SHROOM3: variants seen among roughly 807,000 people sequenced by gnomAD.
SHROOM3 encodes the protein protein Shroom3.
In SHROOM3, 47 loss-of-function variants were observed where a neutral mutation model predicts 138.6. That is an observed-to-expected ratio of 0.34 (90% confidence interval 0.27 to 0.43). The LOEUF (loss-of-function observed/expected upper bound fraction) is 0.43. SHROOM3 is among the 20% of genes least tolerant of loss of function. The probability of loss-of-function intolerance (pLI) is 1.00; values close to 1 mark genes in which losing one functional copy is unlikely to be tolerated. For synonymous variants in SHROOM3, 1,062 were observed against 1,063.3 expected (o/e 1.00, Z 0.02); for missense variants, 2,491 against 2,596.5 (o/e 0.96, Z 0.88).
intron 2 of SHROOM3, among the ~76,000 whole-genome samples, chr4:76,618,481 T>C (rs1481531682): frequency 6.6e-6 from 1 of 152,234 alleles, no homozygotes; most frequent in Non-Finnish European, 1.5e-5. Flanking sequence ...CTTTAAACTT[T>C]TTATTTGAAA....
intron 1 of SHROOM3, among the ~76,000 whole-genome samples, chr4:76,466,901 A>C (rs1301128715): frequency 6.6e-6 from 1 of 152,168 alleles, no homozygotes; most frequent in Non-Finnish European, 1.5e-5. Context: ...TGAGAAAGTA[A>C]AATACTAATA....
chr4:76,707,980 C>T (rs1720107745), intron 2 of SHROOM3, among the ~76,000 whole-genome samples: 1 of 151,944 alleles, frequency 6.6e-6, no homozygotes, highest in South Asian at 2.1e-4. Flanking sequence ...CAGAGCCAAC[C>T]CATCCAGGGC....
intron 2 of SHROOM3, among the ~76,000 whole-genome samples, chr4:76,608,875 C>A (rs1734705087): frequency 6.6e-6 from 1 of 152,136 alleles, no homozygotes; most frequent in Non-Finnish European, 1.5e-5. Flanking sequence ...TAATATGAGA[C>A]TTGGGTGAGT....
intron 1 of SHROOM3, among the ~76,000 whole-genome samples, chr4:76,452,998 G>A (rs888971389): frequency 2.6e-5 from 4 of 152,154 alleles, no homozygotes; most frequent in Non-Finnish European, 5.9e-5. Flanking sequence ...GATTACAGGC[G>A]TGAGCCACCG....
chr4:76,445,678 G>A (rs1475029637), intron 1 of SHROOM3, among the ~76,000 whole-genome samples: 1 of 152,134 alleles, frequency 6.6e-6, no homozygotes, highest in African/African-American at 2.4e-5. Context: ...TGCAGGCTGT[G>A]GAAAGGACCT....
intron 2 of SHROOM3, among the ~76,000 whole-genome samples, chr4:76,572,399 G>C (rs1038754667): frequency 1.3e-5 from 2 of 152,122 alleles, no homozygotes; most frequent in Non-Finnish European, 2.9e-5. Context: ...GCTGACCTTG[G>C]CCACTGCAGC....
intron 2 of SHROOM3, among the ~76,000 whole-genome samples, chr4:76,617,924 G>A (rs1734916950): frequency 1.3e-5 from 2 of 152,218 alleles, no homozygotes; most frequent in Non-Finnish European, 1.5e-5. Context: ...TGAAAATTAT[G>A]TATACATCTA....
intron 1 of SHROOM3, among the ~76,000 whole-genome samples, chr4:76,465,176 A>G (rs1350287814): frequency 6.6e-6 from 1 of 152,234 alleles, no homozygotes; most frequent in Non-Finnish European, 1.5e-5. Flanking sequence ...GAGCTAGCAT[A>G]TGTCTACATA....
intron 1 of SHROOM3, among the ~76,000 whole-genome samples, chr4:76,439,964 A>G (rs1434283370): frequency 6.6e-6 from 1 of 152,224 alleles, no homozygotes; most frequent in African/African-American, 2.4e-5. Flanking sequence ...CTTTTAAAAA[A>G]TTGTCATTGT....
chr4:76,590,463 G>T (rs1734248040), intron 2 of SHROOM3, among the ~76,000 whole-genome samples: 1 of 150,966 alleles, frequency 6.6e-6, no homozygotes, highest in Admixed American at 6.6e-5. Context: ...GTGGCCATCT[G>T]TTGTGGCCCA....
chr4:76,458,326 T>C (rs1379259858), intron 1 of SHROOM3, among the ~76,000 whole-genome samples: 3 of 152,246 alleles, frequency 2.0e-5, no homozygotes, highest in African/African-American at 7.2e-5. Flanking sequence ...GTATTAAAAC[T>C]GATTGTGTCT....
At chr4:76,529,889 T>C (rs918773683) in intron 1 of SHROOM3, among the ~76,000 whole-genome samples, 9 of 152,354 alleles carry the variant, frequency 5.9e-5, no homozygotes, top group Admixed American at 1.3e-4. Flanking sequence ...TAAATCCTGC[T>C]ATTTAGTAGT....
chr4:76,695,089 C>G (rs1719686098), intron 2 of SHROOM3, among the ~76,000 whole-genome samples: 1 of 152,158 alleles, frequency 6.6e-6, no homozygotes, highest in Admixed American at 6.5e-5. Flanking sequence ...CAGATTAATA[C>G]TGGTGGTGGG....
At chr4:76,776,015 T>C (rs1237073314) in intron 10 of SHROOM3, among the ~76,000 whole-genome samples, 2 of 152,138 alleles carry the variant, frequency 1.3e-5, no homozygotes, top group Non-Finnish European at 2.9e-5. Flanking sequence ...CAGGATCAAA[T>C]GATAGATGTA....
chr4:76,739,070 G>A lies in SHROOM3; in HGVS notation c.897G>A (p.Met299Ile). The A allele has an allele frequency of 3.1e-6, 5 of 1,614,250 alleles. No homozygotes were observed. The highest frequency in any genetic ancestry group is 3.4e-6 in the Non-Finnish European group (4 of 1,180,040). The stretch of plus-strand genomic sequence containing the variant: ...CTCGAGGTGGCCTCCTCGAAGGGAT[G>A]AGGCAGGCAGATATTCGCTATGTCA... ...TSARGGLLEGMRQADIRYVKT... is the reference protein window; with the variant it reads ...TSARGGLLEGIRQADIRYVKT... Residue 299 changes from methionine (M) to isoleucine (I), a missense_variant, in exon 5 of 11, where the codon ATG becomes ATA. Around this residue, in one of 4 missense-constraint regions of SHROOM3, gnomAD observed 1,733 missense variants for 1,661.6 expected, o/e 1.04. Coordinates refer to ENST00000296043, the MANE Select transcript of SHROOM3 (RefSeq NM_020859.4).
At chr4:76,475,751 T>A (rs1254469766) in intron 1 of SHROOM3, among the ~76,000 whole-genome samples, 1 of 152,152 alleles carries the variant, frequency 6.6e-6, no homozygotes, top group Non-Finnish European at 1.5e-5. Flanking sequence ...CCAAAGCAAA[T>A]CACTTGATTT....
intron 2 of SHROOM3, among the ~76,000 whole-genome samples, chr4:76,634,481 C>CCTTA (rs1194978150): frequency 4.6e-5 from 7 of 152,122 alleles, no homozygotes; most frequent in Non-Finnish European, 1.0e-4. Flanking sequence ...TGAAATTAGT[C>CCTTA]CTTAGTGTAT....
At chr4:76,468,772 G>C (rs1043561749) in intron 1 of SHROOM3, among the ~76,000 whole-genome samples, 7 of 152,108 alleles carry the variant, frequency 4.6e-5, no homozygotes, top group African/African-American at 1.7e-4. Context: ...GCTCACACCT[G>C]TAATTCCAGC....
At chr4:76,444,852 T>G (rs1242913661) in intron 1 of SHROOM3, among the ~76,000 whole-genome samples, 1 of 151,570 alleles carries the variant, frequency 6.6e-6, no homozygotes, top group Non-Finnish European at 1.5e-5. Context: ...ATCCTAGCAC[T>G]TTGGGAGGAT....
Sources: gnomAD v4.1 joint callset for allele counts (sites outside exome capture counted in the v4.1 genomes callset) on GRCh38, gnomAD v4.1.1 for gene constraint, gnomAD v4.1.1 regional missense constraint, MANE v1.5 for transcripts, NCBI Gene and HGNC (gene_info 2026-07-23, HGNC 2026-07-21) for gene names.